The following GALNTL6 variants were observed in gnomAD, a reference collection of about 807,000 sequenced individuals.
The protein encoded by GALNTL6 is polypeptide N-acetylgalactosaminyltransferase like 6, also known as polypeptide N-acetylgalactosaminyltransferase-like 6.
Under a neutral mutation model 73.7 loss-of-function variants are expected in GALNTL6, and 46 were observed. The observed-to-expected ratio is 0.62, with a 90% CI of 0.49 to 0.80. The LOEUF is 0.80. Ranked by LOEUF, GALNTL6 falls within the 30% of genes least tolerant of loss-of-function variation. The pLI is 0.00. For synonymous variants in GALNTL6, 259 were observed against 263.7 expected (o/e 0.98, Z 0.17); for missense variants, 604 against 755.0 (o/e 0.80, Z 2.34).
rs547722389 is a variant in GALNTL6 at position 172,207,004 on chromosome 4, A to C, written c.139-22652A>C. Among the ~76,000 whole-genome samples, 4 of 150,710 alleles carry C rather than the reference A, an allele frequency of 2.7e-5. No individual in the cohort carries two copies. The East Asian group carries it at 5.9e-4, about 22-fold the overall frequency. Reference sequence around the variant, plus strand: ...GGCTAGTTTTTTGTATTTTTAGTAGAGGCGGGGTTTCACCATGTTAGCCAG... The same window carrying C: ...GGCTAGTTTTTTGTATTTTTAGTAGCGGCGGGGTTTCACCATGTTAGCCAG... On this transcript the variant is annotated intron_variant, in intron 2 of 12. Transcript: ENST00000506823.
At chr4:172,165,510 T>C (rs938394693) in intron 2 of GALNTL6, among the ~76,000 whole-genome samples, 2 of 152,170 alleles carry the variant, frequency 1.3e-5, no homozygotes, top group African/African-American at 4.8e-5. Context: ...AATTTTGTGA[T>C]TGAGAGAATG....
intron 7 of GALNTL6, among the ~76,000 whole-genome samples, chr4:172,847,782 G>A (rs1200255861): frequency 6.6e-6 from 1 of 151,926 alleles, no homozygotes; most frequent in African/African-American, 2.4e-5. Flanking sequence ...CTTTTTTGAG[G>A]GTATGAGGAC....
intron 5 of GALNTL6, among the ~76,000 whole-genome samples, chr4:172,714,224 A>G (rs548764892): frequency 5.3e-5 from 8 of 152,238 alleles, no homozygotes; most frequent in South Asian, 2.1e-4. Context: ...GACAGCTTGG[A>G]GGTTAGAAGC....
chr4:171,910,642 C>A lies in GALNTL6; in HGVS notation c.138+95924C>A, dbSNP rs1024321910. ...TAAGTATTAACCATCTTACCCTGTT[C>A]GCCATTTTATAGATTTTGAAAGAAT... On this transcript the variant is annotated intron_variant, in intron 2 of 12. Transcript: ENST00000506823. Among the ~76,000 whole-genome samples the A allele has an allele frequency of 2.0e-5, 3 of 151,918 alleles. No homozygotes were observed. In the South Asian group the frequency reaches 6.2e-4, roughly 32 times the overall value.
chr4:172,991,452 G>A (rs933955628), intron 10 of GALNTL6, among the ~76,000 whole-genome samples: 1 of 151,798 alleles, frequency 6.6e-6, no homozygotes, highest in African/African-American at 2.4e-5. Context: ...AGGCTGCAGT[G>A]CAGTGGCATG....
chr4:172,311,733 C>T lies in GALNTL6; in HGVS notation c.367C>T (p.Pro123Ser). 3 of 1,593,566 alleles carry T rather than the reference C, an allele frequency of 1.9e-6. No individual in the cohort carries two copies. The highest frequency in any genetic ancestry group is 2.6e-6 in the Non-Finnish European group (3 of 1,167,652). Residue 123 changes from proline (P) to serine (S), a missense_variant, in exon 4 of 13, where the codon CCA (proline) becomes TCA (serine). Physicochemically the swap from Pro to Ser is moderately conservative, Grantham distance 74. This residue lies in a region of GALNTL6 where 141 missense variants were observed against 156.6 expected (regional missense o/e 0.90). Coordinates refer to ENST00000506823, the MANE Select transcript of GALNTL6 (RefSeq NM_001034845.3). ...SNNIALERSL[P>S]DIRHANCKHK... ...CAATATTGCTCTAGAGAGGTCTCTG[C>T]CAGATATTCGTCATGCTAAGTGAGT...
chr4:172,088,415 CAG>C (rs1376658484), intron 2 of GALNTL6, among the ~76,000 whole-genome samples: 7 of 152,026 alleles, frequency 4.6e-5, no homozygotes, highest in Non-Finnish European at 1.0e-4. Context: ...AAGGAAATTA[CAG>C]AAAAATGATT....
At chr4:172,737,077 A>T (rs1736512765) in intron 5 of GALNTL6, among the ~76,000 whole-genome samples, 1 of 152,162 alleles carries the variant, frequency 6.6e-6, no homozygotes, top group African/African-American at 2.4e-5. Context: ...ATAAAAAAGG[A>T]CTAATACTGT....
chr4:172,332,891 G>A (rs376326350), intron 4 of GALNTL6, among the ~76,000 whole-genome samples: 4 of 152,206 alleles, frequency 2.6e-5, no homozygotes, highest in African/African-American at 7.2e-5. Context: ...TGTTTTCCAT[G>A]CTGACTATAC....
intron 2 of GALNTL6, among the ~76,000 whole-genome samples, chr4:171,897,227 G>T (rs1353751877): frequency 1.3e-5 from 2 of 152,104 alleles, no homozygotes; most frequent in Non-Finnish European, 2.9e-5. Context: ...ATTCATTGTG[G>T]AATGGATAGT....
At chr4:172,478,224 A>T (rs917215636) in intron 5 of GALNTL6, among the ~76,000 whole-genome samples, 1 of 152,246 alleles carries the variant, frequency 6.6e-6, no homozygotes, top group Non-Finnish European at 1.5e-5. Context: ...ATCCTAAGCA[A>T]AAAGAACAAA....
chr4:172,944,910 T>C (rs1003774013), intron 9 of GALNTL6, among the ~76,000 whole-genome samples: 33 of 151,634 alleles, frequency 2.2e-4, no homozygotes, highest in Non-Finnish European at 1.5e-4. Flanking sequence ...AATACGAAAG[T>C]AGCCAGGCAT....
chr4:171,856,460 A>C (rs967522468), intron 2 of GALNTL6, among the ~76,000 whole-genome samples: 1 of 152,034 alleles, frequency 6.6e-6, no homozygotes, highest in South Asian at 2.1e-4. Context: ...ATTTTTTATG[A>C]ATCATATATT....
At chr4:172,079,757 A>G (rs181679870) in intron 2 of GALNTL6, among the ~76,000 whole-genome samples, 15 of 152,230 alleles carry the variant, frequency 9.9e-5, no homozygotes, top group Admixed American at 9.8e-4. Context: ...TTCTACTGAA[A>G]TAATTACTAA....
intron 2 of GALNTL6, among the ~76,000 whole-genome samples, chr4:172,220,169 T>A (rs1236190256): frequency 1.3e-5 from 2 of 151,778 alleles, no homozygotes; most frequent in African/African-American, 4.8e-5. Flanking sequence ...GTTTGTGTTT[T>A]TTTTAATAGT....
chr4:172,231,134 T>C (rs1579281791), intron 3 of GALNTL6, among the ~76,000 whole-genome samples: 1 of 152,162 alleles, frequency 6.6e-6, no homozygotes, highest in Admixed American at 6.5e-5. Context: ...GTCGTGAAAA[T>C]GAGTTCCTTA....
intron 8 of GALNTL6, among the ~76,000 whole-genome samples, chr4:172,896,589 G>A (rs374133602): frequency 2.6e-5 from 4 of 152,150 alleles, no homozygotes; most frequent in African/African-American, 7.2e-5. Context: ...ATTGCAACAA[G>A]GAGAACTTGG....
At chr4:173,021,869 T>C (rs2126516622) in intron 12 of GALNTL6, among the ~76,000 whole-genome samples, 1 of 151,928 alleles carries the variant, frequency 6.6e-6, no homozygotes, top group East Asian at 1.9e-4. Flanking sequence ...GATGGGTGCC[T>C]GTAATCCCAG....
chr4:172,844,302 A>C (rs1382581533), intron 7 of GALNTL6, among the ~76,000 whole-genome samples: 1 of 152,072 alleles, frequency 6.6e-6, no homozygotes, highest in Non-Finnish European at 1.5e-5. Context: ...AAATCTCTTC[A>C]CCTCTACTAT....
Sources: gnomAD v4.1 joint callset for allele counts (sites outside exome capture counted in the v4.1 genomes callset) on GRCh38, gnomAD v4.1.1 for gene constraint, gnomAD v4.1.1 regional missense constraint, MANE v1.5 for transcripts, NCBI Gene and HGNC (gene_info 2026-07-23, HGNC 2026-07-21) for gene names.